Variants in PPEF1 observed in about 807,000 individuals in gnomAD.
PPEF1 encodes protein phosphatase with EF-hand domain 1, also known as serine/threonine-protein phosphatase with EF-hands 1.
Under a neutral mutation model 53.3 loss-of-function variants are expected in PPEF1, and 12 were observed. That is an observed-to-expected ratio of 0.23 (90% confidence interval 0.14 to 0.36). PPEF1 has a LOEUF of 0.36. Ranked by LOEUF, PPEF1 falls within the 10% of genes least tolerant of loss-of-function variation. The pLI is 1.00. For synonymous variants in PPEF1, 165 were observed against 176.7 expected, an observed-to-expected ratio of 0.93 and a Z score of 0.52; for missense variants, 334 against 490.4, an observed-to-expected ratio of 0.68 and a Z score of 3.01.
chrX:18,785,746 G>A (rs922330492), intron 9 of PPEF1, among the ~76,000 whole-genome samples: 1 of 110,502 alleles, frequency 9.0e-6, no homozygotes, highest in Non-Finnish European at 1.9e-5. Flanking sequence ...GCCAGGTGTG[G>A]TGGTGCACAC....
intron 1 of PPEF1, among the ~76,000 whole-genome samples, chrX:18,714,722 A>G (rs2044415987): frequency 8.9e-6 from 1 of 112,402 alleles, no homozygotes; most frequent in Non-Finnish European, 1.9e-5. Context: ...AATTAAATTT[A>G]CTTATATACA....
At chrX:18,777,677 G>T (rs918433567) in intron 6 of PPEF1, among the ~76,000 whole-genome samples, 1 of 108,724 alleles carries the variant, frequency 9.2e-6, no homozygotes, top group Non-Finnish European at 1.9e-5. Flanking sequence ...CTGCCATCAC[G>T]CCCGGAGAAT....
intron 12 of PPEF1, among the ~76,000 whole-genome samples, chrX:18,816,159 T>G: frequency 9.0e-6 from 1 of 111,207 alleles, no homozygotes; most frequent in South Asian, 3.7e-4. Flanking sequence ...AATTTTTATC[T>G]AAGCACTACT....
intron 9 of PPEF1, among the ~76,000 whole-genome samples, chrX:18,787,762 A>G (rs2046236842): frequency 1.3e-5 from 1 of 79,835 alleles, no homozygotes; most frequent in Non-Finnish European, 2.7e-5. Context: ...TTTACAAAAA[A>G]AAAAAAAAAG....
At chrX:18,796,915 C>G (rs1312053199) in intron 10 of PPEF1, among the ~76,000 whole-genome samples, 1 of 111,741 alleles carries the variant, frequency 8.9e-6, no homozygotes, top group Non-Finnish European at 1.9e-5. Flanking sequence ...GAAATTGGAG[C>G]TGCACACAAA....
chrX:18,806,463 A>G lies in PPEF1; in HGVS notation c.1312A>G (p.Ile438Val), dbSNP rs780638296. 8.3e-7 allele frequency: 1 copy of G among 1,207,851 alleles called. No homozygotes were observed. Among genetic ancestry groups the G allele is most frequent in the South Asian group, 1.8e-5 (1 of 56,826 alleles). The change falls in exon 12 of 16, where the codon ATC becomes GTC. Residue 438 changes from isoleucine (I) to valine (V), a missense_variant. Transcript: ENST00000470157. ...YEEGSNRGAY[I>V]KLCSGTTPRF... The stretch of plus-strand genomic sequence containing the variant: ...AGAAGGCAGCAATCGAGGAGCTTAC[A>G]TCAAACTATGTTCTGGTACAACTCC...
chrX:18,814,374 G>T (rs1428557784), intron 12 of PPEF1, among the ~76,000 whole-genome samples: 1 of 111,768 alleles, frequency 8.9e-6, no homozygotes, highest in Non-Finnish European at 1.9e-5. Flanking sequence ...GGATTGCTGG[G>T]TCCAAATGGG....
chrX:18,762,504 ATAGAC>A (rs1180948807), intron 6 of PPEF1, among the ~76,000 whole-genome samples: 1 of 112,061 alleles, frequency 8.9e-6, no homozygotes, highest in Non-Finnish European at 1.9e-5. Flanking sequence ...GGGTGAGTCC[ATAGAC>A]TAAAGTGAAA....
intron 4 of PPEF1, among the ~76,000 whole-genome samples, chrX:18,695,847 G>A (rs183356707): frequency 5.3e-5 from 6 of 112,267 alleles, no homozygotes; most frequent in Non-Finnish European, 1.1e-4. Context: ...CTTAAAACGT[G>A]ATGGCTGTTT....
chrX:18,780,315 G>C (rs2046057983), intron 7 of PPEF1, among the ~76,000 whole-genome samples: 1 of 112,147 alleles, frequency 8.9e-6, no homozygotes, highest in Non-Finnish European at 1.9e-5. Context: ...AGGCAATCAA[G>C]AAAGAGCCAT....
chrX:18,748,655 C>T, intron 3 of PPEF1, among the ~76,000 whole-genome samples: 1 of 112,071 alleles, frequency 8.9e-6, no homozygotes, highest in Admixed American at 9.5e-5. Context: ...GGCTGGAGTT[C>T]ACTCATGTGT....
upstream of PPEF1, among the ~76,000 whole-genome samples, chrX:18,678,070 G>A (rs1256372515): frequency 1.0e-5 from 1 of 99,444 alleles, no homozygotes; most frequent in Admixed American, 1.2e-4. Context: ...GGTCGAGGCT[G>A]TCGTGAGCCA....
chrX:18,735,373 A>G (rs1339531995), intron 3 of PPEF1, among the ~76,000 whole-genome samples: 1 of 111,950 alleles, frequency 8.9e-6, no homozygotes, highest in East Asian at 2.8e-4. Context: ...AGCACCATTT[A>G]TTAAATAGGG....
intron 10 of PPEF1, among the ~76,000 whole-genome samples, chrX:18,800,614 G>A (rs761307310): frequency 1.3e-4 from 15 of 111,987 alleles, no homozygotes; most frequent in Non-Finnish European, 2.4e-4. Context: ...GATTTATGAT[G>A]AGTTTATCTG....
At chrX:18,713,156 C>G (rs2044365474) in intron 1 of PPEF1, among the ~76,000 whole-genome samples, 1 of 111,571 alleles carries the variant, frequency 9.0e-6, no homozygotes, top group Admixed American at 9.6e-5. Context: ...AAAGTGTTCC[C>G]TTCTCCTCCA....
At chrX:18,798,490 G>A (rs1472474520) in intron 10 of PPEF1, among the ~76,000 whole-genome samples, 1 of 111,907 alleles carries the variant, frequency 8.9e-6, no homozygotes, top group Non-Finnish European at 1.9e-5. Context: ...AGGGATAGAT[G>A]AGAGTGACAG....
At chrX:18,790,966 C>T (rs984428708) in intron 10 of PPEF1, among the ~76,000 whole-genome samples, 4 of 111,155 alleles carry the variant, frequency 3.6e-5, no homozygotes, top group Admixed American at 2.9e-4. Flanking sequence ...CCACTGTGCC[C>T]GGCCACCAGC....
chrX:18,736,721 T>C (rs1194775573), intron 3 of PPEF1, among the ~76,000 whole-genome samples: 1 of 112,606 alleles, frequency 8.9e-6, no homozygotes, highest in African/African-American at 3.2e-5. Flanking sequence ...CTCCTCTTTG[T>C]ACCTCTGGTA....
intron 2 of PPEF1, among the ~76,000 whole-genome samples, chrX:18,685,641 C>T (rs1247098597): frequency 4.9e-5 from 5 of 101,014 alleles, no homozygotes; most frequent in Non-Finnish European, 9.9e-5. Flanking sequence ...GCCGAGATCT[C>T]GCCACTGCAC....
Sources: gnomAD v4.1 joint callset for allele counts (sites outside exome capture counted in the v4.1 genomes callset) on GRCh38, gnomAD v4.1.1 for gene constraint, MANE v1.5 for transcripts, NCBI Gene and HGNC (gene_info 2026-07-23, HGNC 2026-07-21) for gene names.